RIMS2: variants seen among roughly 807,000 people sequenced by gnomAD.
RIMS2 encodes the protein regulating synaptic membrane exocytosis 2.
A neutral mutation model predicts 174.4 loss-of-function variants in RIMS2; 59 were observed. The ratio of observed to expected loss-of-function variants is 0.34; its 90% CI spans 0.27 to 0.42. The LOEUF (loss-of-function observed/expected upper bound fraction) is 0.42. Among genes scored for constraint, RIMS2 ranks in the 10% least tolerant of loss-of-function variants. The pLI is 1.00. For synonymous variants in RIMS2, 606 were observed against 572.5 expected (o/e 1.06, Z -0.84); for missense variants, 1,620 against 1,666.3 (o/e 0.97, Z 0.48).
chr8:103,717,138 C>CTTTTTTTTTTTTTTTTTTTT (rs11373218), intron 2 of RIMS2, among the ~76,000 whole-genome samples: 1 of 113,106 alleles, frequency 8.8e-6, no homozygotes, highest in Non-Finnish European at 1.7e-5. Context: ...ATAGTGCCTT[C>CTTTTTTTTTTTTTTTTTTTT]TTTTTTTTTT....
chr8:104,128,600 G>A (rs2098449731), intron 19 of RIMS2, among the ~76,000 whole-genome samples: 1 of 152,170 alleles, frequency 6.6e-6, no homozygotes, highest in Non-Finnish European at 1.5e-5. Flanking sequence ...GGGAGGCTGA[G>A]GCAGGAGAAT....
At chr8:103,987,283 GC>G (rs2094431199) in intron 16 of RIMS2, among the ~76,000 whole-genome samples, 2 of 151,846 alleles carry the variant, frequency 1.3e-5, no homozygotes, top group South Asian at 4.1e-4. Context: ...AGCTTAAGAA[GC>G]CCATTTTAGT....
intron 19 of RIMS2, among the ~76,000 whole-genome samples, chr8:104,122,570 G>C (rs1599394180): frequency 6.6e-6 from 1 of 152,256 alleles, no homozygotes; most frequent in African/African-American, 2.4e-5. Flanking sequence ...AGGGTTAGGA[G>C]TTTTGAGTGG....
At chr8:103,701,542 T>G (rs1038012523) in intron 2 of RIMS2, among the ~76,000 whole-genome samples, 3 of 152,036 alleles carry the variant, frequency 2.0e-5, no homozygotes, top group Non-Finnish European at 4.4e-5. Context: ...TCTAACTATA[T>G]TTTTGTACCC....
At chr8:103,502,421 A>C (rs531059961) in intron 1 of RIMS2, among the ~76,000 whole-genome samples, 1 of 152,296 alleles carries the variant, frequency 6.6e-6, no homozygotes, top group South Asian at 2.1e-4. Flanking sequence ...CAAAATATTG[A>C]GTGGCTAAAA....
chr8:104,065,734 C>T (rs946751497), intron 19 of RIMS2, among the ~76,000 whole-genome samples: 2 of 152,002 alleles, frequency 1.3e-5, no homozygotes, highest in Admixed American at 6.6e-5. Context: ...CTGAAATAGT[C>T]GTTTGAGATT....
chr8:103,929,425 A>G (rs911677074), intron 11 of RIMS2, among the ~76,000 whole-genome samples: 2 of 151,804 alleles, frequency 1.3e-5, no homozygotes, highest in African/African-American at 4.8e-5. Context: ...AGAAATCAAT[A>G]ATTTGCTCTA....
At chr8:104,250,960 C>T (rs779811450) in intron 22 of RIMS2, 64 bp from the exon 29 acceptor site, 18 of 1,401,774 alleles carry the variant, frequency 1.3e-5, no homozygotes, top group Middle Eastern at 1.8e-4. Context: ...TAAATGTCAC[C>T]GTGCGTCGGC....
rs750833472 is a variant in RIMS2, at chr8:103,989,337, G to A, written c.2960G>A (p.Arg987His). Residue 987 changes from arginine (R) to histidine (H), a missense_variant, in exon 17 of 24, where the codon CGC becomes CAC. This residue lies in a region of RIMS2 where 1,395 missense variants were observed against 1,360.1 expected (regional missense o/e 1.03). Coordinates refer to ENST00000504942, the Ensembl canonical transcript of RIMS2. Reference sequence around the variant, plus strand: ...GTGGAACAGGGGCTTCGAGGGACCCGCACTATGACCGGACATTATAATACA... The same window carrying A: ...GTGGAACAGGGGCTTCGAGGGACCCACACTATGACCGGACATTATAATACA... 65 of 1,612,706 alleles carry A rather than the reference G, an allele frequency of 4.0e-5. No homozygotes were observed. Among genetic ancestry groups the A allele is most frequent in the Non-Finnish European group, 5.0e-5 (59 of 1,178,916 alleles).
chr8:104,005,078 G>C (rs954585300), intron 17 of RIMS2, among the ~76,000 whole-genome samples: 7 of 152,152 alleles, frequency 4.6e-5, no homozygotes, highest in Non-Finnish European at 7.3e-5. Context: ...AATAAGGTAA[G>C]GGTTATTGCA....
At chr8:103,854,566 A>C (rs1026403816) in intron 3 of RIMS2, among the ~76,000 whole-genome samples, 1 of 150,360 alleles carries the variant, frequency 6.7e-6, no homozygotes, top group Non-Finnish European at 1.5e-5. Flanking sequence ...TTTTTTTTTT[A>C]ATCATGAAGA....
intron 19 of RIMS2, among the ~76,000 whole-genome samples, chr8:104,109,784 T>C (rs997346230): frequency 6.6e-6 from 1 of 152,194 alleles, no homozygotes; most frequent in Admixed American, 6.5e-5. Context: ...AAAGATTTCA[T>C]TATAATTTCA....
At chr8:103,723,688 C>G (rs1467829181) in intron 2 of RIMS2, among the ~76,000 whole-genome samples, 1 of 152,144 alleles carries the variant, frequency 6.6e-6, no homozygotes, top group Non-Finnish European at 1.5e-5. Context: ...GCTACCAGGT[C>G]CAACCTGGAG....
At chr8:103,526,043 A>C (rs1443660850) in intron 1 of RIMS2, among the ~76,000 whole-genome samples, 1 of 152,230 alleles carries the variant, frequency 6.6e-6, no homozygotes, top group Non-Finnish European at 1.5e-5. Context: ...CGCTGTTTCC[A>C]GTAGAGGTGG....
intron 1 of RIMS2, among the ~76,000 whole-genome samples, chr8:103,547,362 A>C (rs995777451): frequency 6.6e-6 from 1 of 152,222 alleles, no homozygotes; most frequent in African/African-American, 2.4e-5. Context: ...AAAATCGCTG[A>C]AAACCATGCA....
At chr8:103,798,499 T>G (rs777660166) in intron 3 of RIMS2, among the ~76,000 whole-genome samples, 7 of 152,202 alleles carry the variant, frequency 4.6e-5, no homozygotes, top group Non-Finnish European at 8.8e-5. Flanking sequence ...TCTTATTTTA[T>G]TTTGGTCCTC....
chr8:103,937,861 C>G (rs528096030), intron 13 of RIMS2, among the ~76,000 whole-genome samples: 2 of 152,204 alleles, frequency 1.3e-5, no homozygotes, highest in African/African-American at 4.8e-5. Context: ...TGACTAATAA[C>G]CAATTATCTC....
intron 22 of RIMS2, among the ~76,000 whole-genome samples, chr8:104,250,653 G>A (rs1382060819): frequency 6.6e-6 from 1 of 152,128 alleles, no homozygotes; most frequent in Admixed American, 6.6e-5. Flanking sequence ...TATTTGTGGG[G>A]ATGAGTGAAT....
At chr8:104,025,043 A>G (rs2096217546) in intron 19 of RIMS2, among the ~76,000 whole-genome samples, 1 of 152,198 alleles carries the variant, frequency 6.6e-6, no homozygotes, top group East Asian at 1.9e-4. Flanking sequence ...GTGTAGGAAA[A>G]AGGATGCTGA....
Sources: allele counts gnomAD v4.1 joint callset (sites outside exome capture counted in the v4.1 genomes callset), GRCh38; gene constraint gnomAD v4.1.1; regional missense constraint gnomAD v4.1.1; transcripts MANE v1.5; gene names NCBI Gene and HGNC (gene_info 2026-07-23, HGNC 2026-07-21).